Variants in MEOX2 observed in about 807,000 individuals in gnomAD.
MEOX2 encodes mesenchyme homeobox 2.
Under a neutral mutation model 27.0 loss-of-function variants are expected in MEOX2, and 11 were observed. That is an observed-to-expected ratio of 0.41 (90% CI 0.26 to 0.68). MEOX2 has a LOEUF of 0.68. MEOX2 is among the 30% of genes least tolerant of loss of function. The pLI is 0.33. For missense variants in MEOX2, 436 were observed against 385.4 expected, an observed-to-expected ratio of 1.13 and a Z score of -1.10; for synonymous variants, 189 against 155.4, an observed-to-expected ratio of 1.22 and a Z score of -1.61.
At chr7:15,644,804 G>A (rs866822899) in intron 1 of MEOX2, among the ~76,000 whole-genome samples, 22 of 152,272 alleles carry the variant, frequency 1.4e-4, no homozygotes, top group Middle Eastern at 6.8e-3. Context: ...AGAAATGCTC[G>A]TTTTGTACAA....
chr7:15,659,628 C>T (rs1016268065), intron 1 of MEOX2, among the ~76,000 whole-genome samples: 1 of 151,776 alleles, frequency 6.6e-6, no homozygotes, highest in East Asian at 1.9e-4. Context: ...GGCGTGGTGG[C>T]GGACACCTGT....
chr7:15,660,707 C>G (rs920770579), intron 1 of MEOX2, among the ~76,000 whole-genome samples: 4 of 152,058 alleles, frequency 2.6e-5, no homozygotes, highest in Non-Finnish European at 4.4e-5. Flanking sequence ...ATGGTTAAAT[C>G]CACGGTCACC....
At chr7:15,632,907 G>C (rs1302119929) in intron 1 of MEOX2, among the ~76,000 whole-genome samples, 1 of 151,896 alleles carries the variant, frequency 6.6e-6, no homozygotes, top group Non-Finnish European at 1.5e-5. Context: ...CTTGTGCCTG[G>C]ATCTGTCTAA....
intron 1 of MEOX2, among the ~76,000 whole-genome samples, chr7:15,672,599 C>T (rs138604357): frequency 8.6e-4 from 131 of 152,054 alleles, no homozygotes; most frequent in African/African-American, 3.0e-3. Flanking sequence ...TAGAAAGTAT[C>T]CGTAAATATT....
At chr7:15,615,031 T>A (rs114795142) in intron 2 of MEOX2, among the ~76,000 whole-genome samples, 1,830 of 152,012 alleles carry the variant, frequency 0.012, 47 homozygotes, top group African/African-American at 0.043. Flanking sequence ...AATTTGACAA[T>A]AAAAAATAAG....
chr7:15,638,802 G>A (rs1457794350), intron 1 of MEOX2, among the ~76,000 whole-genome samples: 2 of 152,074 alleles, frequency 1.3e-5, no homozygotes, highest in African/African-American at 4.8e-5. Flanking sequence ...TGCTGTAGAG[G>A]ACAGGATTTG....
intron 1 of MEOX2, among the ~76,000 whole-genome samples, chr7:15,633,092 T>C (rs556481278): frequency 1.1e-4 from 17 of 151,978 alleles, no homozygotes; most frequent in Non-Finnish European, 2.4e-4. Context: ...TTACAATGCT[T>C]ACCACATTAT....
At chr7:15,680,590 TG>T (rs1183076845) in intron 1 of MEOX2, 4 of 151,904 alleles carry the variant, frequency 2.6e-5, no homozygotes, top group African/African-American at 9.7e-5. Context: ...CTTTTCTACT[TG>T]GGGGTTCAGT....
intron 1 of MEOX2, among the ~76,000 whole-genome samples, chr7:15,648,567 A>G (rs1299370541): frequency 3.3e-5 from 5 of 152,068 alleles, no homozygotes; most frequent in Non-Finnish European, 5.9e-5. Flanking sequence ...TTAAAGTCTT[A>G]CATAAAACTG....
chr7:15,686,199 GTGC>G lies in MEOX2; in HGVS notation c.201_203del (p.His80del), dbSNP rs372066707. The G allele has an allele frequency of 8.0e-5, 115 of 1,444,748 alleles. No individual in the cohort carries two copies. Among genetic ancestry groups the G allele is most frequent in the Non-Finnish European group, 8.3e-5 (87 of 1,044,748 alleles). 89.5% of individuals were successfully genotyped at this position (1,444,748 alleles called of 1,614,324 possible). A position where few individuals can be genotyped will look rare whatever the true frequency, so the allele number is the denominator to read the frequency against. The stretch of plus-strand genomic sequence containing the variant: ...GGTGGTGGTGGTGGTGGTGGTGGTG[GTGC>G]CCCCTGTGATGCTGGCTGGCAAACA... On this transcript the variant is annotated inframe_deletion, in exon 1 of 3. Coordinates refer to ENST00000262041, the MANE Select transcript of MEOX2 (RefSeq NM_005924.5).
intron 1 of MEOX2, among the ~76,000 whole-genome samples, chr7:15,684,585 G>T (rs990428226): frequency 1.3e-5 from 2 of 152,134 alleles, no homozygotes; most frequent in African/African-American, 2.4e-5. Flanking sequence ...TGCTGTGAAT[G>T]GTGAAGGAAT....
At chr7:15,650,316 G>C (rs1423402777) in intron 1 of MEOX2, among the ~76,000 whole-genome samples, 4 of 152,020 alleles carry the variant, frequency 2.6e-5, no homozygotes, top group Non-Finnish European at 5.9e-5. Context: ...GCAATGTTCT[G>C]TGTAATTTTC....
At chr7:15,612,757 C>A (rs1475483934) in intron 2 of MEOX2, 146 bp from the exon 3 acceptor site, 11 of 646,678 alleles carry the variant, frequency 1.7e-5, no homozygotes, top group South Asian at 9.8e-5. Context: ...AATAAATCCA[C>A]GTTGAATTTA....
intron 1 of MEOX2, among the ~76,000 whole-genome samples, chr7:15,654,123 T>A (rs1457247801): frequency 6.6e-6 from 1 of 151,974 alleles, no homozygotes; most frequent in Non-Finnish European, 1.5e-5. Flanking sequence ...CCTGTGAATG[T>A]TTTGTTAGAT....
At chr7:15,625,554 C>T (rs561237157) in intron 2 of MEOX2, among the ~76,000 whole-genome samples, 2 of 152,292 alleles carry the variant, frequency 1.3e-5, no homozygotes, top group African/African-American at 4.8e-5. Flanking sequence ...AACTTGCTCT[C>T]TTAAGACATG....
At chr7:15,659,912 T>C (rs1209343404) in intron 1 of MEOX2, among the ~76,000 whole-genome samples, 5 of 152,212 alleles carry the variant, frequency 3.3e-5, no homozygotes, top group South Asian at 2.1e-4. Context: ...GTACCAGTCA[T>C]TGTCTTAAGC....
At chr7:15,660,125 A>G (rs572553519) in intron 1 of MEOX2, among the ~76,000 whole-genome samples, 1 of 152,340 alleles carries the variant, frequency 6.6e-6, no homozygotes, top group East Asian at 1.9e-4. Context: ...TAGATCTTAA[A>G]GAATGAGTGA....
chr7:15,630,483 T>A (rs1262592045), intron 1 of MEOX2, among the ~76,000 whole-genome samples: 1 of 152,082 alleles, frequency 6.6e-6, no homozygotes, highest in Non-Finnish European at 1.5e-5. Context: ...CTACTCTGGG[T>A]AAACGTATTA....
chr7:15,659,584 C>A (rs1429716211), intron 1 of MEOX2, among the ~76,000 whole-genome samples: 1 of 151,802 alleles, frequency 6.6e-6, no homozygotes, highest in African/African-American at 2.4e-5. Flanking sequence ...CATGGTGAAA[C>A]CCTGTCTCTA....
Sources: allele counts gnomAD v4.1 joint callset (sites outside exome capture counted in the v4.1 genomes callset), GRCh38; gene constraint gnomAD v4.1.1; transcripts MANE v1.5; gene names NCBI Gene and HGNC (gene_info 2026-07-23, HGNC 2026-07-21).